The following ADGRA1 variants were observed in gnomAD, a reference collection of about 807,000 sequenced individuals.
ADGRA1 encodes the protein G-protein coupled receptor 123.
A neutral mutation model predicts 21.3 loss-of-function variants in ADGRA1; 12 were observed. The ratio of observed to expected loss-of-function variants is 0.56; its 90% CI spans 0.36 to 0.91. ADGRA1 has a LOEUF of 0.91. Ranked by LOEUF, ADGRA1 falls within the 40% of genes least tolerant of loss-of-function variation. The probability of loss-of-function intolerance (pLI) is 0.01; values close to 1 mark genes in which losing one functional copy is unlikely to be tolerated. For synonymous variants in ADGRA1, 385 were observed against 368.8 expected, an observed-to-expected ratio of 1.04 and a Z score of -0.50; for missense variants, 790 against 805.6, an observed-to-expected ratio of 0.98 and a Z score of 0.23.
intron 5 of ADGRA1, among the ~76,000 whole-genome samples, chr10:133,124,772 G>A (rs979030657): frequency 3.9e-5 from 6 of 152,256 alleles, no homozygotes; most frequent in Admixed American, 1.3e-4. Context: ...AGGCTGTTGC[G>A]AGGGGCCCAC....
At chr10:133,121,832 CAT>C (rs762981284) in intron 5 of ADGRA1, among the ~76,000 whole-genome samples, 16 of 123,962 alleles carry the variant, frequency 1.3e-4, no homozygotes, top group Admixed American at 2.6e-4. Flanking sequence ...CATGCCTGTG[CAT>C]ATATGTGTGC....
At chr10:133,125,499 C>G (rs1162766036) in intron 5 of ADGRA1, among the ~76,000 whole-genome samples, 1 of 152,230 alleles carries the variant, frequency 6.6e-6, no homozygotes, top group African/African-American at 2.4e-5. Context: ...TCTCGGCTCA[C>G]TGCAAACCCC....
At chr10:133,127,823 C>T (rs1204927371) in intron 6 of ADGRA1, among the ~76,000 whole-genome samples, 1 of 123,124 alleles carries the variant, frequency 8.1e-6, no homozygotes, top group Non-Finnish European at 1.7e-5. Context: ...CTCCGCCTGG[C>T]CCCGCCCACC....
rs765671091 is a variant in ADGRA1, at chr10:133,128,841, T to C, written c.1013T>C (p.Leu338Pro). 1.3e-6 allele frequency: 2 copies of C among 1,592,310 alleles called. No homozygotes were observed. Among genetic ancestry groups the C allele is most frequent in the Admixed American group, 1.7e-5 (1 of 58,504 alleles). ...HPALDANGAA[L>P]GRAACLHSPG... ...GCACTTGACGCCAACGGGGCCGCGC[T>C]GGGCCGCGCCGCCTGCCTGCACTCG... Residue 338 changes from leucine (L) to proline (P), a missense_variant, in exon 7 of 7, where the codon CTG (leucine) becomes CCG (proline). Transcript: ENST00000392607.
rs1046386006 is a variant in ADGRA1 at position 133,091,579 on chromosome 10, T to A, written c.3+2667T>A. Among the ~76,000 whole-genome samples, 5 of 152,172 alleles carry A rather than the reference T, an allele frequency of 3.3e-5. No individual in the cohort carries two copies. In the East Asian group the frequency reaches 9.6e-4, roughly 29 times the overall value. On this transcript the variant is annotated intron_variant, in intron 2 of 6. Transcript: ENST00000392607. ...CTGTGAGCTGCCAGCTTTCTGTGAG[T>A]AGGGTGGAGGCTCTCAAAGGGGACT...
At chr10:133,089,835 G>A (rs1851568894) in intron 2 of ADGRA1, among the ~76,000 whole-genome samples, 1 of 152,184 alleles carries the variant, frequency 6.6e-6, no homozygotes, top group African/African-American at 2.4e-5. Flanking sequence ...CTCTGAGGCT[G>A]GCTGAGGTCT....
chr10:133,101,988 T>C (rs1398529579), intron 4 of ADGRA1, among the ~76,000 whole-genome samples: 1 of 152,254 alleles, frequency 6.6e-6, no homozygotes, highest in South Asian at 2.1e-4. Flanking sequence ...ATGCGGCGAA[T>C]CTCTGTATTC....
intron 5 of ADGRA1, among the ~76,000 whole-genome samples, chr10:133,114,805 G>A (rs976279726): frequency 4.5e-4 from 69 of 152,108 alleles, no homozygotes; most frequent in Admixed American, 1.3e-4. Flanking sequence ...TGCCGGGGCC[G>A]TCTCCTGAGC....
At chr10:133,111,305 A>AGC (rs1851999017) in intron 5 of ADGRA1, among the ~76,000 whole-genome samples, 8 of 20,594 alleles carry the variant, frequency 3.9e-4, no homozygotes, top group African/African-American at 1.7e-3. Context: ...CCCCCCCGGG[A>AGC]ACCATCCCTC....
chr10:133,120,888 G>T (rs747798600), intron 5 of ADGRA1, among the ~76,000 whole-genome samples: 19 of 152,160 alleles, frequency 1.2e-4, no homozygotes, highest in Non-Finnish European at 2.5e-4. Flanking sequence ...CTCACTAAGC[G>T]TAATGATTTC....
chr10:133,121,039 G>C (rs954709721), intron 5 of ADGRA1, among the ~76,000 whole-genome samples: 3 of 152,200 alleles, frequency 2.0e-5, no homozygotes, highest in African/African-American at 7.2e-5. Context: ...CAGCCAACCC[G>C]TGGAGCGACC....
chr10:133,102,902 T>C, intron 5 of ADGRA1, 60 bp downstream of exon 5: 1 of 1,545,174 alleles, frequency 6.5e-7, no homozygotes, highest in Non-Finnish European at 8.8e-7. Flanking sequence ...TGCATGCACC[T>C]TCTGGGTCTT....
At chr10:133,110,546 C>G (rs905134749) in intron 5 of ADGRA1, among the ~76,000 whole-genome samples, 1 of 152,148 alleles carries the variant, frequency 6.6e-6, no homozygotes, top group African/African-American at 2.4e-5. Context: ...TGCACAGGGT[C>G]GAATGTTCAG....
Position 133,111,935 on chromosome 10 carries a change from G to C in ADGRA1, c.401+9093G>C, listed in dbSNP as rs1242674751. ...CCTCCAGACCACCTGCCCGCCGTGA[G>C]CACCTCCCTCCTAATCCCTCCAGAC... On this transcript the variant is annotated intron_variant, in intron 5 of 6. Transcript: ENST00000392607. 2.1e-4 allele frequency among the ~76,000 whole-genome samples: 8 copies of C among 37,892 alleles called. 1 individual carries two copies. The highest frequency in any genetic ancestry group is 3.8e-4 in the Non-Finnish European group (7 of 18,408). 24.9% of individuals were successfully genotyped at this position (37,892 alleles called of 152,430 possible).
intron 5 of ADGRA1, among the ~76,000 whole-genome samples, chr10:133,124,049 C>T (rs1351288092): frequency 6.6e-6 from 1 of 152,228 alleles, no homozygotes; most frequent in East Asian, 1.9e-4. Flanking sequence ...CATCTACCTG[C>T]CCCGGCACTG....
rs75903104 is a variant in ADGRA1, at chr10:133,098,815, C to T, written c.255+52C>T. The T allele has an allele frequency of 4.2e-4, 652 of 1,569,334 alleles. 4 individuals carry two copies. Among genetic ancestry groups the T allele is most frequent in the South Asian group, 2.4e-3 (211 of 86,918 alleles). On this transcript the variant is annotated intron_variant, in intron 4 of 6. Transcript: ENST00000392607. ...TCCTCCCAGAGGGGAACTGCGTGAG[C>T]GTCGTCTTGTTTACTAAATAATATT...
Position 133,128,616 on chromosome 10 carries a change from T to C in ADGRA1, c.788T>C (p.Leu263Pro). The C allele has an allele frequency of 6.9e-6, 11 of 1,605,348 alleles. No individual in the cohort carries two copies. The highest frequency in any genetic ancestry group is 8.5e-6 in the Non-Finnish European group (10 of 1,177,756). ...QAQLRAAAFT[L>P]FLFTATWAFG... ...CAGCTGCGCGCCGCCGCCTTCACGC[T>C]GTTCCTGTTCACGGCCACGTGGGCC... is the stretch of plus-strand genomic sequence containing the variant. The change falls in exon 7 of 7, where the codon CTG becomes CCG. Residue 263 changes from leucine to proline, a missense_variant. Coordinates refer to ENST00000392607, the MANE Select transcript of ADGRA1 (RefSeq NM_001083909.3).
Position 133,130,802 on chromosome 10 carries a change from A to G in ADGRA1, c.*1291A>G, listed in dbSNP as rs1198303466. Reference sequence around the variant, plus strand: ...ATCACACACATGCACACAAACGTGCATATCACACACACGCACACACACCCA... The same window carrying G: ...ATCACACACATGCACACAAACGTGCGTATCACACACACGCACACACACCCA... On this transcript the variant is annotated 3_prime_UTR_variant, in exon 7 of 7. Transcript: ENST00000392607. 1 of 151,700 alleles carries G rather than the reference A, an allele frequency of 6.6e-6. No homozygotes were observed. Among genetic ancestry groups the G allele is most frequent in the Non-Finnish European group, 1.5e-5 (1 of 67,920 alleles). 9.4% of individuals were successfully genotyped at this position (151,700 alleles called of 1,614,324 possible).
intron 2 of ADGRA1, among the ~76,000 whole-genome samples, chr10:133,092,748 AGGG>A (rs1376828929): frequency 6.8e-5 from 2 of 29,568 alleles, no homozygotes; most frequent in African/African-American, 2.9e-4. Flanking sequence ...AGAAATAGGG[AGGG>A]AGGAAGGAAG....
Sources: gnomAD v4.1 joint callset for allele counts (sites outside exome capture counted in the v4.1 genomes callset) on GRCh38, gnomAD v4.1.1 for gene constraint, MANE v1.5 for transcripts, NCBI Gene and HGNC (gene_info 2026-07-23, HGNC 2026-07-21) for gene names.